The following PPHLN1 variants were observed in gnomAD, a reference collection of about 807,000 sequenced individuals.
PPHLN1 encodes periphilin-1.
A neutral mutation model predicts 51.3 loss-of-function variants in PPHLN1; 29 were observed. The observed-to-expected ratio is 0.57, with a 90% CI of 0.42 to 0.77. The LOEUF (loss-of-function observed/expected upper bound fraction) is 0.77. PPHLN1 is among the 30% of genes least tolerant of loss of function. The pLI, the probability that PPHLN1 is intolerant of heterozygous loss-of-function variation, is 0.00. For missense variants in PPHLN1, 436 were observed against 438.4 expected, an observed-to-expected ratio of 0.99 and a Z score of 0.05; for synonymous variants, 147 against 147.8, an observed-to-expected ratio of 0.99 and a Z score of 0.04.
chr12:42,371,251 C>T (rs1332071938), intron 4 of PPHLN1, among the ~76,000 whole-genome samples: 1 of 150,046 alleles, frequency 6.7e-6, no homozygotes, highest in African/African-American at 2.5e-5. Flanking sequence ...CCCTGAATAG[C>T]TGGGAGTACC....
At chr12:42,345,451 A>G (rs2072166908) in intron 2 of PPHLN1, among the ~76,000 whole-genome samples, 1 of 151,874 alleles carries the variant, frequency 6.6e-6, no homozygotes, top group Non-Finnish European at 1.5e-5. Context: ...TATACTTTTT[A>G]TTTTTGGTCT....
At chr12:42,363,090 T>A (rs898629574) in intron 4 of PPHLN1, among the ~76,000 whole-genome samples, 14 of 152,194 alleles carry the variant, frequency 9.2e-5, no homozygotes, top group African/African-American at 2.9e-4. Flanking sequence ...AACATGCCAA[T>A]GCTTGTGTTG....
chr12:42,374,535 G>A (rs761800583), intron 4 of PPHLN1: 67 of 205,804 alleles, frequency 3.3e-4, no homozygotes, highest in Admixed American at 6.5e-4. Flanking sequence ...CGCCTCCCAG[G>A]TTCACGCTGT....
At chr12:42,447,499 G>C (rs2083367842), downstream of PPHLN1, 1 of 152,238 alleles carries the variant, frequency 6.6e-6, no homozygotes, top group African/African-American at 2.4e-5. Flanking sequence ...GGTTAGTTAA[G>C]AATCTAACTG....
intron 2 of PPHLN1, among the ~76,000 whole-genome samples, chr12:42,339,456 G>A (rs75374474): frequency 0.03 from 4,585 of 151,986 alleles, 88 homozygotes; most frequent in Non-Finnish European, 0.043. Flanking sequence ...CCCTTAGATG[G>A]CTCTTGAAAA....
intron 4 of PPHLN1, among the ~76,000 whole-genome samples, chr12:42,372,807 T>A (rs1044810053): frequency 9.9e-5 from 15 of 152,202 alleles, no homozygotes; most frequent in Non-Finnish European, 1.9e-4. Context: ...TATAACATGC[T>A]CCCATCAAAA....
At chr12:42,379,859 A>T (rs2076612854) in intron 5 of PPHLN1, among the ~76,000 whole-genome samples, 1 of 152,054 alleles carries the variant, frequency 6.6e-6, no homozygotes, top group Admixed American at 6.5e-5. Context: ...AGTATGCTGG[A>T]TGTGTTTTGT....
chr12:42,379,104 CTTA>C (rs1185241998), intron 5 of PPHLN1, among the ~76,000 whole-genome samples: 1 of 151,728 alleles, frequency 6.6e-6, no homozygotes, highest in Admixed American at 6.6e-5. Flanking sequence ...AATTCTAATA[CTTA>C]TTTTCTTTTT....
intron 5 of PPHLN1, among the ~76,000 whole-genome samples, chr12:42,377,553 C>A (rs111579232): frequency 6.6e-6 from 1 of 152,132 alleles, no homozygotes; most frequent in African/African-American, 2.4e-5. Context: ...ATCCACCTGC[C>A]TCAGGCTCCC....
Position 42,431,580 on chromosome 12 carries a change from C to T in PPHLN1, c.910-9735C>T, listed in dbSNP as rs1375911966. 1.1e-5 allele frequency: 7 copies of T among 636,254 alleles called. 1 individual carries two copies. The highest frequency in any genetic ancestry group is 5.7e-5 in the South Asian group (3 of 52,998). 39.4% of individuals were successfully genotyped at this position (636,254 alleles called of 1,614,324 possible). A position where few individuals can be genotyped will look rare whatever the true frequency, so the allele number is the denominator to read the frequency against. ...ACTGAAAGTGCGATGCAAAGACTGG[C>T]GATCCATATTCTATCTTTGGCAAGC... On this transcript the variant is annotated intron_variant, in intron 9 of 9. Transcript: ENST00000358314.
At chr12:42,337,174 G>T (rs2070777136) in intron 2 of PPHLN1, among the ~76,000 whole-genome samples, 1 of 151,526 alleles carries the variant, frequency 6.6e-6, no homozygotes, top group South Asian at 2.1e-4. Flanking sequence ...TAGGGAAAAG[G>T]GATGACTTTT....
chr12:42,425,426 G>T (rs911855037), intron 9 of PPHLN1, among the ~76,000 whole-genome samples: 4 of 147,306 alleles, frequency 2.7e-5, no homozygotes, highest in Non-Finnish European at 5.9e-5. Flanking sequence ...TTGCTCTGTC[G>T]CCCAGGCTGG....
In PPHLN1 at chr12:42,411,312, A is replaced by G. The variant is rs967729987; in HGVS notation, c.909+12318A>G. Among the ~76,000 whole-genome samples the G allele has an allele frequency of 2.8e-5, 4 of 144,722 alleles. No homozygotes were observed. The Admixed American group carries it at 2.8e-4, about 10-fold the overall frequency. The allele number at this position is 144,722 out of a possible 152,430, so 94.9% of individuals were successfully genotyped here. ...GCTTTTAGTTATTTGGATGAATTGT[A>G]TAGCCACACTTGTGGCTGACTGCCG... On this transcript the variant is annotated intron_variant, in intron 9 of 9. Transcript: ENST00000358314.
intron 9 of PPHLN1, among the ~76,000 whole-genome samples, chr12:42,440,043 C>T (rs1352594288): frequency 6.6e-6 from 1 of 150,982 alleles, no homozygotes; most frequent in Non-Finnish European, 1.5e-5. Context: ...CTCTTCCTGT[C>T]AATTCTTGGG....
intron 9 of PPHLN1, among the ~76,000 whole-genome samples, chr12:42,408,689 T>G (rs1220709309): frequency 2.0e-5 from 3 of 152,210 alleles, no homozygotes; most frequent in Non-Finnish European, 4.4e-5. Context: ...ATTACCCACT[T>G]CATAGTAATG....
intron 9 of PPHLN1, among the ~76,000 whole-genome samples, chr12:42,420,692 C>T (rs1358221392): frequency 1.0e-5 from 1 of 100,158 alleles, no homozygotes; most frequent in Non-Finnish European, 2.2e-5. Context: ...CTCCCCTCCC[C>T]TCCCCTCCCT....
chr12:42,448,063 C>T (rs945912995), downstream of PPHLN1: 2 of 138,800 alleles, frequency 1.4e-5, no homozygotes, highest in East Asian at 2.0e-4. Context: ...TCCTTCTCCC[C>T]GCTTCCCTGG....
At chr12:42,376,120 G>A (rs755301958) in intron 5 of PPHLN1, among the ~76,000 whole-genome samples, 3 of 152,172 alleles carry the variant, frequency 2.0e-5, no homozygotes, top group Non-Finnish European at 2.9e-5. Context: ...ATGACATTGG[G>A]CTCAGCCTTA....
rs760797171 is a variant in PPHLN1, at chr12:42,335,989, C to T, written c.72+15C>T. ...GTCATCCCAGTGTAAGTTACTCCTA[C>T]ATATTGAATGATTCAAAAACCTGGT... is the stretch of plus-strand genomic sequence containing the variant. On this transcript the variant is annotated intron_variant, in intron 2 of 9. Coordinates refer to ENST00000358314, the MANE Select transcript of PPHLN1 (RefSeq NM_201439.2). 1 of 1,491,918 alleles carries T rather than the reference C, an allele frequency of 6.7e-7. No homozygotes were observed. Among genetic ancestry groups the T allele is most frequent in the East Asian group, 2.4e-5 (1 of 41,262 alleles). The allele number at this position is 1,491,918 out of a possible 1,614,324, so 92.4% of individuals were successfully genotyped here.
Sources: gnomAD v4.1 joint callset for allele counts (sites outside exome capture counted in the v4.1 genomes callset) on GRCh38, gnomAD v4.1.1 for gene constraint, MANE v1.5 for transcripts, NCBI Gene and HGNC (gene_info 2026-07-23, HGNC 2026-07-21) for gene names.